Variants in VPS13A observed in about 807,000 individuals in gnomAD.
VPS13A encodes vacuolar protein sorting 13 homolog A, also known as intermembrane lipid transfer protein VPS13A.
Under a neutral mutation model 390.9 loss-of-function variants are expected in VPS13A, and 264 were observed. The observed-to-expected ratio is 0.68, with a 90% confidence interval of 0.61 to 0.75. The LOEUF is 0.75. VPS13A is among the 30% of genes least tolerant of loss of function. VPS13A has a pLI of 0.00. For missense variants in VPS13A, 3,409 were observed against 3,733.9 expected (o/e 0.91, Z 2.27); for synonymous variants, 1,231 against 1,227.1 (o/e 1.00, Z -0.07).
chr9:77,206,198 A>G, intron 5 of VPS13A, 119 bp downstream of exon 5: 1 of 755,472 alleles, frequency 1.3e-6, no homozygotes, highest in Non-Finnish European at 2.2e-6. Context: ...ATATGATAGA[A>G]TCTCATTGCA....
chr9:77,302,217 C>T (rs1564709088), intron 33 of VPS13A, among the ~76,000 whole-genome samples: 1 of 151,898 alleles, frequency 6.6e-6, no homozygotes, highest in Non-Finnish European at 1.5e-5. Context: ...TTTGGCCTCC[C>T]AAAGTGCTGG....
At chr9:77,271,422 A>G (rs1826348037) in intron 23 of VPS13A, among the ~76,000 whole-genome samples, 1 of 152,198 alleles carries the variant, frequency 6.6e-6, no homozygotes, top group African/African-American at 2.4e-5. Context: ...GGTTAAGTAT[A>G]TACTTACCAT....
chr9:77,215,911 G>A (rs937864655), intron 10 of VPS13A, among the ~76,000 whole-genome samples: 1 of 152,208 alleles, frequency 6.6e-6, no homozygotes, highest in African/African-American at 2.4e-5. Context: ...CCTTAGCAAG[G>A]TGCTGGGGGA....
chr9:77,254,694 G>A (rs1825341625), intron 22 of VPS13A, among the ~76,000 whole-genome samples: 1 of 152,084 alleles, frequency 6.6e-6, no homozygotes, highest in Admixed American at 6.6e-5. Context: ...TTGTGTCTTT[G>A]ATTTCAGCAA....
intron 71 of VPS13A, among the ~76,000 whole-genome samples, chr9:77,411,186 C>T (rs1834902530): frequency 6.6e-6 from 1 of 152,154 alleles, no homozygotes; most frequent in South Asian, 2.1e-4. Flanking sequence ...TCCTGAATGA[C>T]TACTGGGTAC....
At chr9:77,335,673 G>A (rs894420392) in intron 46 of VPS13A, among the ~76,000 whole-genome samples, 1 of 152,220 alleles carries the variant, frequency 6.6e-6, no homozygotes, top group Non-Finnish European at 1.5e-5. Context: ...ACGCCAGTTA[G>A]AATGGCAATC....
intron 13 of VPS13A, among the ~76,000 whole-genome samples, chr9:77,224,762 G>C (rs1242767250): frequency 1.3e-5 from 2 of 152,212 alleles, no homozygotes; most frequent in Non-Finnish European, 2.9e-5. Context: ...CAGCACTGCT[G>C]TTTGAGAGGA....
Position 77,177,663 on chromosome 9 carries a change from G to A in VPS13A, c.-42G>A. ...GGCGTGGGGAAGGCGGCGGGAGGAG[G>A]AGCGCACGGGCCGGCTGCCGTGCCC... On this transcript the variant is annotated 5_prime_UTR_variant, in exon 1 of 72. Transcript: ENST00000360280. 1 of 1,578,456 alleles carries A rather than the reference G, an allele frequency of 6.3e-7. No homozygotes were observed. The highest frequency in any genetic ancestry group is 1.1e-5 in the South Asian group (1 of 90,342).
intron 67 of VPS13A, among the ~76,000 whole-genome samples, chr9:77,373,735 C>G (rs1251205779): frequency 1.3e-5 from 2 of 151,356 alleles, no homozygotes; most frequent in African/African-American, 4.9e-5. Context: ...GCAACCTACT[C>G]ATCTGACAAA....
intron 53 of VPS13A, among the ~76,000 whole-genome samples, chr9:77,351,758 A>G (rs983823041): frequency 6.6e-6 from 1 of 152,158 alleles, no homozygotes; most frequent in African/African-American, 2.4e-5. Context: ...AGTCCTAGCT[A>G]CTAAGGAGGC....
At chr9:77,408,157 G>A (rs1370845712) in intron 71 of VPS13A, among the ~76,000 whole-genome samples, 1 of 152,204 alleles carries the variant, frequency 6.6e-6, no homozygotes, top group African/African-American at 2.4e-5. Context: ...AGCATGGTGT[G>A]TACTTTAGGG....
chr9:77,199,958 C>G lies in VPS13A; in HGVS notation c.114C>G (p.Leu38=), dbSNP rs1825228652. 6.2e-7 allele frequency: 1 copy of G among 1,607,286 alleles called. No homozygotes were observed. The highest frequency in any genetic ancestry group is 8.5e-7 in the Non-Finnish European group (1 of 1,177,394). Residue 38 remains leucine (L), a synonymous_variant, in exon 2 of 72, where the codon CTC becomes CTG. Coordinates refer to ENST00000360280, the MANE Select transcript of VPS13A (RefSeq NM_033305.3). ...SLGIWKGAVA[L]KNLQIKENAL... is the part of the protein sequence containing the mutation. The stretch of plus-strand genomic sequence containing the variant: ...AATCTTTTTTAGGAGCTGTGGCCCT[C>G]AAGAATCTTCAAATTAAAGAAAATG...
chr9:77,412,530 G>T lies in VPS13A; in HGVS notation c.9475-3426G>T, dbSNP rs1384934817. On this transcript the variant is annotated intron_variant, in intron 71 of 71. Transcript: ENST00000360280. ...CGCAATACATGCAGAAAAGGCCTTT[G>T]ACGAAATTCAACAACCCTTCATCCT... 3.9e-5 allele frequency among the ~76,000 whole-genome samples: 6 copies of T among 152,284 alleles called. No individual in the cohort carries two copies. The East Asian group carries it at 1.2e-3, about 29-fold the overall frequency.
chr9:77,197,848 T>C (rs1313086675), intron 1 of VPS13A, among the ~76,000 whole-genome samples: 2 of 152,236 alleles, frequency 1.3e-5, no homozygotes, highest in Admixed American at 1.3e-4. Context: ...CAGCTGCCCA[T>C]GTGGACAATC....
chr9:77,241,000 C>G lies in VPS13A; in HGVS notation c.1900+2614C>G, dbSNP rs1824455239. Among the ~76,000 whole-genome samples the G allele has an allele frequency of 7.9e-5, 12 of 151,984 alleles. 1 individual carries two copies. Among genetic ancestry groups the G allele is most frequent in the Admixed American group, 7.9e-4 (12 of 15,252 alleles). On this transcript the variant is annotated intron_variant, in intron 19 of 71. Transcript: ENST00000360280. Reference sequence around the variant, plus strand: ...TGTTGTCGCAATTTGGTGTATCCAGCTATAGATTTGCTTTATATATCCTTT... The same window carrying G: ...TGTTGTCGCAATTTGGTGTATCCAGGTATAGATTTGCTTTATATATCCTTT...
At chr9:77,363,289 T>C (rs1010345775) in intron 59 of VPS13A, among the ~76,000 whole-genome samples, 1 of 152,086 alleles carries the variant, frequency 6.6e-6, no homozygotes, top group African/African-American at 2.4e-5. Flanking sequence ...TGGTTGAGTG[T>C]TTTTAATCAT....
At chr9:77,223,209 TG>T (rs562565640) in intron 13 of VPS13A, among the ~76,000 whole-genome samples, 71 of 152,292 alleles carry the variant, frequency 4.7e-4, no homozygotes, top group Non-Finnish European at 9.4e-4. Flanking sequence ...GTGTTCTGAC[TG>T]TTCTGCTGAC....
intron 47 of VPS13A, chr9:77,337,974 CT>C (rs1172377937): frequency 1.9e-5 from 3 of 155,430 alleles, no homozygotes; most frequent in African/African-American, 7.2e-5. Flanking sequence ...TTACCATTTG[CT>C]TTTTAAAAAA....
Position 77,201,376 on chromosome 9 carries a change from T to G in VPS13A, c.156T>G (p.Asp52Glu), listed in dbSNP as rs759700958. 6.2e-7 allele frequency: 1 copy of G among 1,609,642 alleles called. No homozygotes were observed. Residue 52 changes from aspartate (D) to glutamate (E), a missense_variant, in exon 3 of 72, where the codon GAT (aspartate) becomes GAG (glutamate). Physicochemically the swap from Asp to Glu is conservative, Grantham distance 45 (BLOSUM62 2). This residue lies in a region of VPS13A where 2,717 missense variants were observed against 2,917.4 expected (regional missense o/e 0.93). Coordinates refer to ENST00000360280, the MANE Select transcript of VPS13A (RefSeq NM_033305.3). ...QIKENALSQL[D>E]VPFKVKVGHI... ...AATTTTTTCTGTAGAGTCAACTGGA[T>G]GTACCATTTAAAGTTAAAGTTGGTC... is the stretch of plus-strand genomic sequence containing the variant.
Sources: allele counts gnomAD v4.1 joint callset (sites outside exome capture counted in the v4.1 genomes callset), GRCh38; gene constraint gnomAD v4.1.1; regional missense constraint gnomAD v4.1.1; transcripts MANE v1.5; gene names NCBI Gene and HGNC (gene_info 2026-07-23, HGNC 2026-07-21).